KCNAB1: variants seen among roughly 807,000 people sequenced by gnomAD.
KCNAB1 encodes potassium voltage-gated channel subfamily A regulatory beta subunit 1, also known as voltage-gated potassium channel subunit beta-1.
Under a neutral mutation model 64.6 loss-of-function variants are expected in KCNAB1, and 35 were observed. The ratio of observed to expected loss-of-function variants is 0.54; its 90% confidence interval spans 0.41 to 0.72. The LOEUF is 0.72. Among genes scored for constraint, KCNAB1 ranks in the 30% least tolerant of loss-of-function variants. KCNAB1 has a pLI of 0.00. For missense variants in KCNAB1, 401 were observed against 512.9 expected, an observed-to-expected ratio of 0.78 and a Z score of 2.11; for synonymous variants, 177 against 183.8, an observed-to-expected ratio of 0.96 and a Z score of 0.30.
chr3:156,400,454 C>T (rs1178638946), intron 1 of KCNAB1, among the ~76,000 whole-genome samples: 5 of 152,226 alleles, frequency 3.3e-5, no homozygotes. Flanking sequence ...CTCCTCCAAT[C>T]CATCCTCCAC....
At chr3:156,504,736 G>GTTTTTTT (rs1553756361) in intron 8 of KCNAB1, among the ~76,000 whole-genome samples, 6 of 105,838 alleles carry the variant, frequency 5.7e-5, no homozygotes, top group East Asian at 3.0e-4. Flanking sequence ...TACTTGTTTT[G>GTTTTTTT]TTTTTGTTTT....
At chr3:156,120,432 G>T (rs1713267604), upstream of KCNAB1, 4 of 723,942 alleles carry the variant, frequency 5.5e-6, no homozygotes, top group East Asian at 1.0e-4. Context: ...TCTTCACTAG[G>T]AAAGGTTAGA....
At chr3:156,152,675 A>G (rs1195392331) in intron 1 of KCNAB1, among the ~76,000 whole-genome samples, 1 of 152,232 alleles carries the variant, frequency 6.6e-6, no homozygotes, top group African/African-American at 2.4e-5. Context: ...CTCATTAAGT[A>G]TCCAAGCTCT....
chr3:156,310,612 G>A (rs1721826111), intron 1 of KCNAB1, among the ~76,000 whole-genome samples: 1 of 152,140 alleles, frequency 6.6e-6, no homozygotes, highest in Non-Finnish European at 1.5e-5. Flanking sequence ...GACCATCCTG[G>A]CTAACACAGT....
intron 1 of KCNAB1, among the ~76,000 whole-genome samples, chr3:156,350,506 C>CA (rs60606856): frequency 0.16 from 15,834 of 98,764 alleles, 901 homozygotes; most frequent in African/African-American, 0.2. Context: ...GACCCTGTCT[C>CA]AAAAAAAAAA....
At chr3:156,271,734 A>G (rs1206781318) in intron 1 of KCNAB1, among the ~76,000 whole-genome samples, 4 of 152,034 alleles carry the variant, frequency 2.6e-5, no homozygotes, top group Non-Finnish European at 4.4e-5. Context: ...GTTTTTCTAG[A>G]TGGTCTTGAT....
chr3:156,306,737 G>A (rs1721517841), intron 1 of KCNAB1, among the ~76,000 whole-genome samples: 1 of 152,244 alleles, frequency 6.6e-6, no homozygotes, highest in Admixed American at 6.5e-5. Context: ...CCCTGTGACA[G>A]TGGAGAGACT....
intron 1 of KCNAB1, among the ~76,000 whole-genome samples, chr3:156,403,773 A>C (rs978278198): frequency 6.6e-6 from 1 of 152,114 alleles, no homozygotes; most frequent in African/African-American, 2.4e-5. Context: ...GCACGTCTGT[A>C]ATCCCAGCTA....
rs1437531788 is a variant in KCNAB1, at chr3:156,262,689, A to G, written c.275+141803A>G. 2.6e-5 allele frequency among the ~76,000 whole-genome samples: 4 copies of G among 151,890 alleles called. No homozygotes were observed. In the East Asian group the frequency reaches 7.7e-4, roughly 29 times the overall value. Reference sequence around the variant, plus strand: ...TGGTATCAAAATAATACCTTAAAGAAGAGGTGAGAATTGTTCCTTCTTCTG... The same window carrying G: ...TGGTATCAAAATAATACCTTAAAGAGGAGGTGAGAATTGTTCCTTCTTCTG... On this transcript the variant is annotated intron_variant, in intron 1 of 13. Coordinates refer to ENST00000490337, the MANE Select transcript of KCNAB1 (RefSeq NM_172160.3).
chr3:156,499,732 GTAA>G (rs1280363729), intron 8 of KCNAB1, among the ~76,000 whole-genome samples: 1 of 152,142 alleles, frequency 6.6e-6, no homozygotes, highest in East Asian at 1.9e-4. Flanking sequence ...AAGTGGGAAT[GTAA>G]TAATACCACC....
chr3:156,336,593 T>C (rs997865051), intron 1 of KCNAB1, among the ~76,000 whole-genome samples: 3 of 152,246 alleles, frequency 2.0e-5, no homozygotes, highest in South Asian at 2.1e-4. Flanking sequence ...GATTTTTATA[T>C]TGATGAAAAA....
intron 1 of KCNAB1, among the ~76,000 whole-genome samples, chr3:156,306,670 TC>T (rs534291542): frequency 5.6e-4 from 85 of 152,242 alleles, no homozygotes; most frequent in African/African-American, 1.9e-3. Flanking sequence ...AGTCTGTGGG[TC>T]CCATGAGCCT....
chr3:156,458,140 C>A (rs1712591219), intron 4 of KCNAB1, among the ~76,000 whole-genome samples: 1 of 152,192 alleles, frequency 6.6e-6, no homozygotes, highest in South Asian at 2.1e-4. Context: ...GGAAGGGCTG[C>A]AGAGAGTCCT....
At chr3:156,486,236 CTCTT>C (rs1432364241) in intron 8 of KCNAB1, among the ~76,000 whole-genome samples, 2 of 152,124 alleles carry the variant, frequency 1.3e-5, no homozygotes, top group African/African-American at 4.8e-5. Flanking sequence ...CCATCAGCTC[CTCTT>C]TCTTTAGGAG....
rs1280212868 is a variant in KCNAB1 at position 156,538,321 on chromosome 3, T to G, written c.*1574T>G. 2 of 152,200 alleles carry G rather than the reference T, an allele frequency of 1.3e-5. No individual in the cohort carries two copies. The highest frequency in any genetic ancestry group is 2.9e-5 in the Non-Finnish European group (2 of 68,022). The allele number at this position is 152,200 out of a possible 1,614,324, so 9.4% of individuals were successfully genotyped here. ...TAAAATGCGATTTTTCTGTCATTAG[T>G]TCTAGATATGTACTTCATGGTTAAA... On this transcript the variant is annotated 3_prime_UTR_variant, in exon 14 of 14. Coordinates refer to ENST00000490337, the MANE Select transcript of KCNAB1 (RefSeq NM_172160.3).
At chr3:156,365,847 T>C (rs1323358223) in intron 1 of KCNAB1, among the ~76,000 whole-genome samples, 2 of 152,162 alleles carry the variant, frequency 1.3e-5, no homozygotes, top group African/African-American at 4.8e-5. Context: ...TGGATGCAGA[T>C]CAGACATAAT....
intron 1 of KCNAB1, among the ~76,000 whole-genome samples, chr3:156,399,622 C>T (rs1021699095): frequency 2.0e-4 from 30 of 151,978 alleles, no homozygotes; most frequent in African/African-American, 5.8e-4. Flanking sequence ...CAGAGCTGCC[C>T]GGAAGAGACA....
intron 1 of KCNAB1, among the ~76,000 whole-genome samples, chr3:156,153,558 A>G (rs1321314311): frequency 6.6e-6 from 1 of 152,208 alleles, no homozygotes; most frequent in East Asian, 1.9e-4. Context: ...TGAAATTAAC[A>G]TTGGAATTGG....
At chr3:156,213,829 T>A (rs540329409) in intron 1 of KCNAB1, among the ~76,000 whole-genome samples, 2 of 152,314 alleles carry the variant, frequency 1.3e-5, no homozygotes, top group South Asian at 4.1e-4. Context: ...CAGGAGTGTC[T>A]TTTGCTCTAG....
Sources: allele counts gnomAD v4.1 joint callset (sites outside exome capture counted in the v4.1 genomes callset), GRCh38; gene constraint gnomAD v4.1.1; transcripts MANE v1.5; gene names NCBI Gene and HGNC (gene_info 2026-07-23, HGNC 2026-07-21).